The following PMEPA1 variants were observed in gnomAD, a reference collection of about 807,000 sequenced individuals.
The protein encoded by PMEPA1 is protein TMEPAI.
A neutral mutation model predicts 23.0 loss-of-function variants in PMEPA1; 11 were observed. The observed-to-expected ratio is 0.48, with a 90% CI of 0.30 to 0.79. The LOEUF is 0.79. Among genes scored for constraint, PMEPA1 ranks in the 30% least tolerant of loss-of-function variants. The pLI is 0.06. For synonymous variants in PMEPA1, 204 were observed against 166.4 expected, an observed-to-expected ratio of 1.23 and a Z score of -1.74; for missense variants, 377 against 390.9, an observed-to-expected ratio of 0.96 and a Z score of 0.30.
upstream of PMEPA1, chr20:57,710,036 C>T: frequency 2.0e-6 from 2 of 998,618 alleles, no homozygotes; most frequent in Non-Finnish European, 2.4e-6. Flanking sequence ...GACGGGGCTG[C>T]CGGTTCCCAC....
chr20:57,657,543 G>A (rs1223881652), intron 2 of PMEPA1, among the ~76,000 whole-genome samples: 4 of 152,218 alleles, frequency 2.6e-5, no homozygotes, highest in Non-Finnish European at 5.9e-5. Context: ...AACACGTCGG[G>A]GCTTGAGAGC....
chr20:57,691,499 C>A (rs2071881502), intron 1 of PMEPA1, among the ~76,000 whole-genome samples: 1 of 152,112 alleles, frequency 6.6e-6, no homozygotes, highest in South Asian at 2.1e-4. Context: ...CTATAGCAGC[C>A]CCAGGGACAG....
chr20:57,697,382 G>A (rs991106567), intron 1 of PMEPA1, among the ~76,000 whole-genome samples: 1 of 152,148 alleles, frequency 6.6e-6, no homozygotes, highest in Non-Finnish European at 1.5e-5. Flanking sequence ...GTCTGTTATG[G>A]GCAGCAAGTA....
At chr20:57,674,825 G>C (rs963171868) in intron 1 of PMEPA1, among the ~76,000 whole-genome samples, 1 of 152,212 alleles carries the variant, frequency 6.6e-6, no homozygotes, top group Non-Finnish European at 1.5e-5. Context: ...CAGGCCTCAG[G>C]AGCGAGGGCA....
rs374805733 is a variant in PMEPA1, at chr20:57,704,719, G to A, written c.109+4755C>T. 2.5e-4 allele frequency among the ~76,000 whole-genome samples: 38 copies of A among 152,250 alleles called. 1 individual carries two copies. In the South Asian group the frequency reaches 4.6e-3, roughly 18 times the overall value. ...TTTTCTGGCTTTTAAACTATTGACC[G>A]GACTATAAACGTTTAAACCCCCTGG... On this transcript the variant is annotated intron_variant, in intron 1 of 3. Coordinates refer to ENST00000341744, the MANE Select transcript of PMEPA1 (RefSeq NM_020182.5). This position sits in a 1 kb window ranked among gnomAD's most constrained non-coding sequence, Gnocchi z 4.6.
At chr20:57,662,253 C>G in intron 1 of PMEPA1, among the ~76,000 whole-genome samples, 1 of 152,228 alleles carries the variant, frequency 6.6e-6, no homozygotes, top group East Asian at 1.9e-4. Context: ...GGACTGTCCC[C>G]CATGACAAAG....
chr20:57,709,461 T>C lies in PMEPA1; in HGVS notation c.109+13A>G, dbSNP rs1464762827. The C allele has an allele frequency of 5.4e-6, 6 of 1,106,402 alleles. No individual in the cohort carries two copies. In the Admixed American group the frequency reaches 1.6e-4, roughly 29 times the overall value. 68.5% of individuals were successfully genotyped at this position (1,106,402 alleles called of 1,614,324 possible). A position where few individuals can be genotyped will look rare whatever the true frequency, so the allele number is the denominator to read the frequency against. On this transcript the variant is annotated intron_variant, in intron 1 of 3. Coordinates refer to ENST00000341744, the MANE Select transcript of PMEPA1 (RefSeq NM_020182.5). ...GATGGAGTCTCCGGGGAGGGGGGCG[T>C]GGGGTCACTCACTGATCTCCATGCT...
chr20:57,699,940 T>TACATATATCAC (rs1385510814), intron 1 of PMEPA1: 3 of 445,012 alleles, frequency 6.7e-6, no homozygotes, highest in African/African-American at 2.0e-5. Context: ...GTCCGCGTTT[T>TACATATATCAC]ACATATATCA....
At chr20:57,667,680 G>A (rs974783154) in intron 1 of PMEPA1, among the ~76,000 whole-genome samples, 3 of 152,242 alleles carry the variant, frequency 2.0e-5, no homozygotes, top group Non-Finnish European at 4.4e-5. Flanking sequence ...AATTGGCGCT[G>A]TCTGAAATTT....
At chr20:57,668,746 G>C (rs879453621) in intron 1 of PMEPA1, among the ~76,000 whole-genome samples, 15 of 152,216 alleles carry the variant, frequency 9.9e-5, no homozygotes, top group Non-Finnish European at 2.1e-4. Flanking sequence ...CATGTGCTCT[G>C]TTCCAGCCAC....
At chr20:57,670,781 A>T (rs1389544442) in intron 1 of PMEPA1, among the ~76,000 whole-genome samples, 2 of 152,110 alleles carry the variant, frequency 1.3e-5, no homozygotes, top group African/African-American at 4.8e-5. Flanking sequence ...CTAGTTTGCA[A>T]AGGCCCACTC....
intron 1 of PMEPA1, among the ~76,000 whole-genome samples, chr20:57,672,900 C>T (rs1223708626): frequency 6.6e-6 from 1 of 152,198 alleles, no homozygotes; most frequent in African/African-American, 2.4e-5. Flanking sequence ...CTCTGTGCCT[C>T]GGTTTCCACA....
intron 1 of PMEPA1, among the ~76,000 whole-genome samples, chr20:57,679,990 G>A (rs1600652976): frequency 6.6e-6 from 1 of 152,184 alleles, no homozygotes; most frequent in Non-Finnish European, 1.5e-5. Flanking sequence ...GGCTGTCCAC[G>A]CAGGCATCCC....
chr20:57,700,985 G>A lies in PMEPA1; in HGVS notation c.109+8489C>T, dbSNP rs148841940. Among the ~76,000 whole-genome samples, 910 of 150,914 alleles carry A rather than the reference G, an allele frequency of 6.0e-3. 11 individuals are homozygous for A. The highest frequency in any genetic ancestry group is 0.021 in the African/African-American group (845 of 41,010). ...GTAGAGGTTGCAGTGAGCTGAGATC[G>A]CACCACTGCACTCCAGCCTGGGTGA... On this transcript the variant is annotated intron_variant, in intron 1 of 3. Coordinates refer to ENST00000341744, the MANE Select transcript of PMEPA1 (RefSeq NM_020182.5).
intron 1 of PMEPA1, among the ~76,000 whole-genome samples, chr20:57,696,128 G>A (rs553249745): frequency 6.6e-6 from 1 of 152,238 alleles, no homozygotes; most frequent in South Asian, 2.1e-4. Flanking sequence ...ATCGCTGCTG[G>A]CACCCTTCCA....
intron 1 of PMEPA1, among the ~76,000 whole-genome samples, chr20:57,675,319 T>C (rs369553990): frequency 5.3e-5 from 8 of 152,064 alleles, no homozygotes; most frequent in African/African-American, 1.7e-4. Flanking sequence ...AAAAGCAGCC[T>C]CCAGCAGCCC....
At position 57,652,523 on chromosome 20, in the gene PMEPA1, G is replaced by C; in HGVS notation, c.394C>G (p.Arg132Gly). Residue 132 changes from arginine to glycine, a missense_variant, in exon 4 of 4, where the codon CGC (arginine) becomes GGC (glycine). Transcript: ENST00000341744. This position sits in a 1 kb window ranked among gnomAD's most constrained non-coding sequence, Gnocchi z 6.1. The part of the protein sequence containing the change: ...PPFAQRERFH[R>G]FQPTYPYLQH... ...AGGTACGGATAGGTGGGCTGGAAGC[G>C]GTGGAAGCGCTCCCGCTGGGCGAAG... is the stretch of plus-strand genomic sequence containing the variant. The C allele has an allele frequency of 6.4e-7, 1 of 1,570,934 alleles. No individual in the cohort carries two copies. Among genetic ancestry groups the C allele is most frequent in the Non-Finnish European group, 8.6e-7 (1 of 1,156,668 alleles).
chr20:57,710,528 G>A, upstream of PMEPA1: 1 of 1,557,892 alleles, frequency 6.4e-7, no homozygotes, highest in Non-Finnish European at 8.7e-7. Flanking sequence ...ATGGCCCACT[G>A]AACCCCCAAG....
At chr20:57,687,862 C>T (rs1207463825) in intron 1 of PMEPA1, among the ~76,000 whole-genome samples, 5 of 152,208 alleles carry the variant, frequency 3.3e-5, no homozygotes, top group African/African-American at 9.7e-5. Flanking sequence ...CATTTCCAGC[C>T]CACAAGGGCC....
Sources: gnomAD v4.1 joint callset for allele counts (sites outside exome capture counted in the v4.1 genomes callset) on GRCh38, gnomAD v4.1.1 for gene constraint, Gnocchi (gnomAD v3.1) non-coding constraint, MANE v1.5 for transcripts, NCBI Gene and HGNC (gene_info 2026-07-23, HGNC 2026-07-21) for gene names.